MICAL2: variants seen among roughly 807,000 people sequenced by gnomAD.
MICAL2 encodes microtubule associated monooxygenase, calponin and LIM domain containing 2.
Under a neutral mutation model 127.3 loss-of-function variants are expected in MICAL2, and 77 were observed. The observed-to-expected ratio is 0.60, with a 90% CI of 0.50 to 0.73. The LOEUF (loss-of-function observed/expected upper bound fraction) is 0.73, where lower values mean the gene tolerates loss of function less well. Among genes scored for constraint, MICAL2 ranks in the 30% least tolerant of loss-of-function variants. The pLI is 0.00. For synonymous variants in MICAL2, 570 were observed against 551.1 expected (o/e 1.03, Z -0.48); for missense variants, 1,351 against 1,434.4 (o/e 0.94, Z 0.94).
At chr11:12,125,322 C>T (rs1257906432) in intron 1 of MICAL2, among the ~76,000 whole-genome samples, 2 of 152,206 alleles carry the variant, frequency 1.3e-5, no homozygotes, top group Admixed American at 6.5e-5. Flanking sequence ...GGCGCGATCT[C>T]GGCTCACTGC....
chr11:12,147,260 A>G (rs565726710), intron 2 of MICAL2, among the ~76,000 whole-genome samples: 1 of 152,324 alleles, frequency 6.6e-6, no homozygotes, highest in African/African-American at 2.4e-5. Context: ...CTTTTAAGTG[A>G]ACTCTAAAGG....
At chr11:12,279,153 G>A (rs535349662) in intron 1 of MICAL2, among the ~76,000 whole-genome samples, 4 of 152,342 alleles carry the variant, frequency 2.6e-5, no homozygotes, top group Admixed American at 6.5e-5. Flanking sequence ...GAGATGGCAC[G>A]TGGTGGAAGC....
At chr11:12,194,913 A>G (rs1859689299) in intron 3 of MICAL2, among the ~76,000 whole-genome samples, 1 of 152,240 alleles carries the variant, frequency 6.6e-6, no homozygotes, top group African/African-American at 2.4e-5. Flanking sequence ...ACCTTTCTGC[A>G]GTTATACAGG....
chr11:12,255,188 G>A (rs1862158732), intron 22 of MICAL2: 1 of 166,726 alleles, frequency 6.0e-6, no homozygotes, highest in South Asian at 1.6e-4. Context: ...AAAGTACTGG[G>A]ATTACAGGCG....
chr11:12,354,256 C>T (rs1486480797), intron 33 of MICAL2, among the ~76,000 whole-genome samples: 2 of 152,216 alleles, frequency 1.3e-5, no homozygotes, highest in African/African-American at 4.8e-5. Context: ...GAGGGCGGGT[C>T]ACCTGAGGTC....
chr11:12,183,837 G>A lies in MICAL2; in HGVS notation c.265-20413G>A, dbSNP rs1857804772. Among the ~76,000 whole-genome samples, 2 of 152,124 alleles carry A rather than the reference G, an allele frequency of 1.3e-5. 1 individual carries two copies. The highest frequency in any genetic ancestry group is 4.8e-5 in the African/African-American group (2 of 41,402). On this transcript the variant is annotated intron_variant, in intron 3 of 27. Coordinates refer to ENST00000683283, the MANE Select transcript of MICAL2 (RefSeq NM_001282663.2). ...ACTCTGTTGTCCAGGCTGTTGTGCAGTGGCACAAATCAGCTCACTGCAACC... is the reference window on the plus strand; with the variant it reads ...ACTCTGTTGTCCAGGCTGTTGTGCAATGGCACAAATCAGCTCACTGCAACC...
Position 12,355,949 on chromosome 11 carries a change from G to C in MICAL2, c.5689+1092G>C, listed in dbSNP as rs1017498460. ...TCCATCCACGACAAGCCTAAACTGA[G>C]AGAGGATTTTTTTTTTATTTTTCTG... On this transcript the variant is annotated intron_variant, in intron 34 of 34. Transcript: ENST00000646065. 2.0e-4 allele frequency among the ~76,000 whole-genome samples: 10 copies of C among 51,034 alleles called. 1 individual carries two copies. The highest frequency in any genetic ancestry group is 4.6e-4 in the Non-Finnish European group (10 of 21,954). The allele number at this position is 51,034 out of a possible 152,430, so 33.5% of individuals were successfully genotyped here.
intron 24 of MICAL2, among the ~76,000 whole-genome samples, chr11:12,269,842 A>G (rs1863654751): frequency 6.6e-6 from 1 of 152,220 alleles, no homozygotes; most frequent in Non-Finnish European, 1.5e-5. Context: ...GCACACCTAC[A>G]CACACGGGCC....
downstream of MICAL2, among the ~76,000 whole-genome samples, chr11:12,296,804 G>A (rs976695370): frequency 6.6e-6 from 1 of 151,812 alleles, no homozygotes; most frequent in Non-Finnish European, 1.5e-5. Context: ...TGATAGCATG[G>A]CAGCATGCTG....
At chr11:12,322,621 T>C (rs1864310962) in intron 30 of MICAL2, among the ~76,000 whole-genome samples, 1 of 152,136 alleles carries the variant, frequency 6.6e-6, no homozygotes, top group Admixed American at 6.5e-5. Flanking sequence ...CTAATCCTCA[T>C]CCTAGTATAC....
intron 15 of MICAL2, among the ~76,000 whole-genome samples, chr11:12,231,613 G>A (rs1858281542): frequency 6.6e-6 from 1 of 152,218 alleles, no homozygotes. Context: ...CGAAACAAGC[G>A]AGGACCCTGC....
intron 31 of MICAL2, among the ~76,000 whole-genome samples, chr11:12,324,487 T>C (rs373053910): frequency 3.9e-5 from 6 of 152,342 alleles, no homozygotes; most frequent in African/African-American, 1.2e-4. Context: ...ATTTCAAGAT[T>C]AGTTGAAATC....
chr11:12,163,387 C>T (rs1414127790), intron 3 of MICAL2, among the ~76,000 whole-genome samples: 1 of 152,178 alleles, frequency 6.6e-6, no homozygotes, highest in Non-Finnish European at 1.5e-5. Flanking sequence ...CCTAGGAATT[C>T]CAGCCGGTGC....
At chr11:12,327,034 A>T in intron 31 of MICAL2, 1 of 715,644 alleles carries the variant, frequency 1.4e-6, no homozygotes, top group Non-Finnish European at 2.5e-6. Context: ...GGGAATTCAG[A>T]GGTCCTTGCC....
At chr11:12,330,857 G>A (rs1323844182) in intron 32 of MICAL2, among the ~76,000 whole-genome samples, 1 of 132,528 alleles carries the variant, frequency 7.5e-6, no homozygotes, top group Non-Finnish European at 1.7e-5. Flanking sequence ...GACAGAGAGA[G>A]GGGTAGAGAG....
In MICAL2 at chr11:12,219,835, G is replaced by A. The variant is rs980711668; in HGVS notation, c.949-366G>A. Reference sequence around the variant, plus strand: ...TGCACTGTTCATTACAACTCTCAACGCGCCCTGTTGAAATTCCTACGTGAG... The same window carrying A: ...TGCACTGTTCATTACAACTCTCAACACGCCCTGTTGAAATTCCTACGTGAG... On this transcript the variant is annotated intron_variant, in intron 8 of 27. Coordinates refer to ENST00000683283, the MANE Select transcript of MICAL2 (RefSeq NM_001282663.2). Among the ~76,000 whole-genome samples the A allele has an allele frequency of 1.1e-4, 17 of 152,226 alleles. 1 individual carries two copies. Among genetic ancestry groups the A allele is most frequent in the South Asian group, 4.1e-4 (2 of 4,822 alleles).
chr11:12,161,634 A>G (rs1159141156), intron 2 of MICAL2: 2 of 155,892 alleles, frequency 1.3e-5, no homozygotes, highest in African/African-American at 2.4e-5. Flanking sequence ...TCTGTGCCTT[A>G]GTGTAATGTG....
At chr11:12,203,856 A>G (rs1221424528) in intron 3 of MICAL2, among the ~76,000 whole-genome samples, 6 of 152,036 alleles carry the variant, frequency 3.9e-5, no homozygotes, top group East Asian at 1.9e-4. Context: ...AAGATGTACC[A>G]TATGCTTTTT....
chr11:12,295,403 G>C (rs1590726472), downstream of MICAL2, among the ~76,000 whole-genome samples: 1 of 146,630 alleles, frequency 6.8e-6, no homozygotes, highest in South Asian at 2.1e-4. Context: ...ACCTCCCAAA[G>C]TGTTGGGATT....
Sources: gnomAD v4.1 joint callset for allele counts (sites outside exome capture counted in the v4.1 genomes callset) on GRCh38, gnomAD v4.1.1 for gene constraint, MANE v1.5 for transcripts, NCBI Gene and HGNC (gene_info 2026-07-23, HGNC 2026-07-21) for gene names.